The following LINGO1 variants were observed in gnomAD, a reference collection of about 807,000 sequenced individuals.
LINGO1 encodes leucine rich repeat and Ig domain containing 1.
Under a neutral mutation model 37.3 loss-of-function variants are expected in LINGO1, and 11 were observed. The ratio of observed to expected loss-of-function variants is 0.29; its 90% confidence interval spans 0.19 to 0.49. LINGO1 has a LOEUF of 0.49. Among genes scored for constraint, LINGO1 ranks in the 20% least tolerant of loss-of-function variants. LINGO1 has a pLI of 0.99. For synonymous variants in LINGO1, 387 were observed against 403.0 expected (o/e 0.96, Z 0.48); for missense variants, 585 against 878.2 (o/e 0.67, Z 4.22).
chr15:77,683,079 A>G (rs1180748768), intron 2 of LINGO1, among the ~76,000 whole-genome samples: 1 of 152,254 alleles, frequency 6.6e-6, no homozygotes, highest in African/African-American at 2.4e-5. Flanking sequence ...AAGGACGTGA[A>G]CAGTCCATTC....
At chr15:77,815,782 C>T (rs746801774) in intron 1 of LINGO1, among the ~76,000 whole-genome samples, 2 of 152,126 alleles carry the variant, frequency 1.3e-5, no homozygotes, top group Admixed American at 6.5e-5. Flanking sequence ...TGGTTTATAT[C>T]GCACATCTAA....
At chr15:77,617,499 G>A (rs897180873) in intron 1 of LINGO1, among the ~76,000 whole-genome samples, 4 of 152,200 alleles carry the variant, frequency 2.6e-5, no homozygotes, top group African/African-American at 9.7e-5. Flanking sequence ...TCCACACCCT[G>A]TACTCATGGC....
intron 3 of LINGO1, among the ~76,000 whole-genome samples, chr15:77,656,032 C>T (rs569878190): frequency 5.8e-4 from 88 of 152,370 alleles, no homozygotes; most frequent in Middle Eastern, 3.4e-3. Context: ...GCAGGGTCTG[C>T]GTCCTCTACC....
Position 77,632,231 on chromosome 15 carries a change from GC to G in LINGO1, c.6+78del. On this transcript the variant is annotated intron_variant, in intron 1 of 1. Coordinates refer to ENST00000355300, the MANE Select transcript of LINGO1 (RefSeq NM_032808.7). This position sits in a 1 kb window ranked among gnomAD's most constrained non-coding sequence, Gnocchi z 6.0. The stretch of plus-strand genomic sequence containing the variant: ...TGCCCTGCAACCCCAGGAGGGCGCA[GC>G]CAGGGCCGATGGCGGCCCCCAGGGG... The G allele has an allele frequency of 7.7e-7, 1 of 1,296,106 alleles. No individual in the cohort carries two copies. Among genetic ancestry groups the G allele is most frequent in the Non-Finnish European group, 9.8e-7 (1 of 1,023,288 alleles). The allele number at this position is 1,296,106 out of a possible 1,614,324, so 80.3% of individuals were successfully genotyped here.
At position 77,714,048 on chromosome 15, in the gene LINGO1, C is replaced by T. The variant is rs566774037; in HGVS notation, c.-195+20944G>A. On this transcript the variant is annotated intron_variant, in intron 2 of 3. Transcript: ENST00000561686. ...CCCATCCCCTATAAAGACCTCTCCC[C>T]TGAGCTCCAGGCTTGTGACCACAAC... 1.7e-3 allele frequency among the ~76,000 whole-genome samples: 257 copies of T among 152,284 alleles called. 4 individuals are homozygous for T. Among genetic ancestry groups the T allele is most frequent in the South Asian group, 6.2e-4 (3 of 4,820 alleles).
Position 77,726,124 on chromosome 15 carries a change from C to T in LINGO1, c.-195+8868G>A, listed in dbSNP as rs28362757. 7.1e-3 allele frequency among the ~76,000 whole-genome samples: 1,086 copies of T among 152,348 alleles called. 16 individuals carry two copies. Among genetic ancestry groups the T allele is most frequent in the African/African-American group, 0.025 (1,044 of 41,580 alleles). ...GGCAGGAGGAGGCCACAGCCCTAAG[C>T]TGCCCCACTGAGACCTTTTTCTCCC... is the stretch of plus-strand genomic sequence containing the variant. On this transcript the variant is annotated intron_variant, in intron 2 of 3. Transcript: ENST00000561686.
At chr15:77,634,873 G>A (rs1414296468), upstream of LINGO1, among the ~76,000 whole-genome samples, 1 of 151,910 alleles carries the variant, frequency 6.6e-6, no homozygotes, top group African/African-American at 2.4e-5. Flanking sequence ...TAAAGGCTCC[G>A]CCAGGCACCC....
At chr15:77,617,161 C>T (rs1212330923) in intron 1 of LINGO1, among the ~76,000 whole-genome samples, 6 of 152,170 alleles carry the variant, frequency 3.9e-5, no homozygotes, top group Admixed American at 2.6e-4. Context: ...ATATAGGCTG[C>T]AGGTGGAGTG....
At chr15:77,786,402 C>T (rs1264626019) in intron 1 of LINGO1, among the ~76,000 whole-genome samples, 1 of 152,018 alleles carries the variant, frequency 6.6e-6, no homozygotes, top group Non-Finnish European at 1.5e-5. Flanking sequence ...CGCCCACCAC[C>T]CCTGGGATCT....
At chr15:77,790,537 C>T (rs1439602927), upstream of LINGO1, among the ~76,000 whole-genome samples, 4 of 152,116 alleles carry the variant, frequency 2.6e-5, no homozygotes, top group African/African-American at 9.7e-5. Flanking sequence ...CTTCCAAGCC[C>T]TGCACTGCTC....
At chr15:77,754,879 C>T (rs146963186) in intron 1 of LINGO1, among the ~76,000 whole-genome samples, 2 of 152,238 alleles carry the variant, frequency 1.3e-5, no homozygotes, top group African/African-American at 4.8e-5. Context: ...CAGGCTTCCA[C>T]GAAACTCAAT....
intron 1 of LINGO1, among the ~76,000 whole-genome samples, chr15:77,764,825 A>G (rs1383791054): frequency 6.6e-6 from 1 of 152,248 alleles, no homozygotes; most frequent in South Asian, 2.1e-4. Flanking sequence ...AGTCTCCCAC[A>G]TGCACAAGGG....
chr15:77,675,661 G>T (rs913711842), intron 3 of LINGO1, among the ~76,000 whole-genome samples: 1 of 152,130 alleles, frequency 6.6e-6, no homozygotes, highest in Non-Finnish European at 1.5e-5. Context: ...GGCTTGAACC[G>T]CATGCTTTAA....
At chr15:77,768,165 C>T (rs2076548086) in intron 1 of LINGO1, among the ~76,000 whole-genome samples, 1 of 152,192 alleles carries the variant, frequency 6.6e-6, no homozygotes, top group Non-Finnish European at 1.5e-5. Context: ...TGTACACCCA[C>T]CCACCAGGAC....
At chr15:77,813,376 CAGAG>C (rs2077021549) in intron 1 of LINGO1, among the ~76,000 whole-genome samples, 1 of 152,104 alleles carries the variant, frequency 6.6e-6, no homozygotes, top group Non-Finnish European at 1.5e-5. Context: ...CCTGGGGACA[CAGAG>C]AGGTGCTTAG....
At chr15:77,689,478 C>T (rs548668880) in intron 2 of LINGO1, among the ~76,000 whole-genome samples, 1 of 152,342 alleles carries the variant, frequency 6.6e-6, no homozygotes, top group East Asian at 1.9e-4. Flanking sequence ...AATGCTCCCC[C>T]TTTTCTAGAG....
chr15:77,669,869 C>A (rs2075217374), intron 3 of LINGO1, among the ~76,000 whole-genome samples: 1 of 152,154 alleles, frequency 6.6e-6, no homozygotes. Context: ...AGAAATCGAC[C>A]CAGGAAAATT....
At chr15:77,717,756 C>T (rs1174812042) in intron 2 of LINGO1, among the ~76,000 whole-genome samples, 2 of 150,658 alleles carry the variant, frequency 1.3e-5, no homozygotes, top group African/African-American at 4.8e-5. Flanking sequence ...CCTCAGCAGA[C>T]AGGGTGCAGC....
intron 1 of LINGO1, among the ~76,000 whole-genome samples, chr15:77,775,255 T>G (rs1322446313): frequency 3.3e-5 from 5 of 152,152 alleles, no homozygotes; most frequent in African/African-American, 7.2e-5. Context: ...CCCATCCATC[T>G]GAAGCTCTAA....
Sources: allele counts gnomAD v4.1 joint callset (sites outside exome capture counted in the v4.1 genomes callset), GRCh38; gene constraint gnomAD v4.1.1; non-coding constraint Gnocchi (gnomAD v3.1); transcripts MANE v1.5; gene names NCBI Gene and HGNC (gene_info 2026-07-23, HGNC 2026-07-21).